TCFL5: variants seen among roughly 807,000 people sequenced by gnomAD.
TCFL5 encodes transcription factor like 5.
Under a neutral mutation model 44.3 loss-of-function variants are expected in TCFL5, and 9 were observed. That is an observed-to-expected ratio of 0.20 (90% CI 0.12 to 0.35). The LOEUF (loss-of-function observed/expected upper bound fraction) is 0.35, where lower values mean the gene tolerates loss of function less well. Ranked by LOEUF, TCFL5 falls within the 10% of genes least tolerant of loss-of-function variation. The probability of loss-of-function intolerance (pLI) is 1.00; values close to 1 mark genes in which losing one functional copy is unlikely to be tolerated. For synonymous variants in TCFL5, 319 were observed against 271.6 expected (o/e 1.17, Z -1.72); for missense variants, 603 against 613.4 (o/e 0.98, Z 0.18).
intron 5 of TCFL5, among the ~76,000 whole-genome samples, chr20:62,847,889 G>A (rs1022856439): frequency 1.3e-5 from 2 of 152,300 alleles, no homozygotes; most frequent in South Asian, 2.1e-4. Flanking sequence ...GTGACCAAAC[G>A]GCATGGGAGG....
rs1286614719 is a variant in TCFL5 at position 62,861,582 on chromosome 20, G to A, written c.89C>T (p.Ala30Val). The A allele has an allele frequency of 1.9e-6, 2 of 1,080,112 alleles. No individual in the cohort carries two copies. Among genetic ancestry groups the A allele is most frequent in the African/African-American group, 3.4e-5 (2 of 58,914 alleles). 66.9% of individuals were successfully genotyped at this position (1,080,112 alleles called of 1,614,324 possible). Residue 30 changes from alanine (A) to valine (V), a missense_variant, in exon 1 of 6, where the codon GCG (alanine) becomes GTG (valine). Transcript: ENST00000335351. The surrounding 1 kb of genome is among the most constrained non-coding windows in gnomAD (Gnocchi z 4.0). The stretch of plus-strand genomic sequence containing the variant: ...GCTCAGCCCCGGCTCGCCCAGCGCC[G>A]CGTCCCCGCCGCCCGCGCCCTCGAC... ...AAVEGAGGGD[A>V]ALGEPGLSFT... is the part of the protein sequence containing the mutation.
chr20:62,859,548 G>A, intron 2 of TCFL5, 22 bp from the exon 3 acceptor site: 1 of 1,601,082 alleles, frequency 6.2e-7, no homozygotes, highest in Non-Finnish European at 8.5e-7. Context: ...TGAAGCAACA[G>A]GAATTTTATC....
intron 5 of TCFL5, among the ~76,000 whole-genome samples, chr20:62,853,089 A>C (rs1213812730): frequency 7.4e-6 from 1 of 134,360 alleles, no homozygotes; most frequent in African/African-American, 3.1e-5. Flanking sequence ...AAGCACAGTC[A>C]CCGGTCCACA....
rs1327563777 is a variant in TCFL5, at chr20:62,841,338, A to ATGAC, written c.*633_*636dup. 2 of 154,334 alleles carry ATGAC rather than the reference A, an allele frequency of 1.3e-5. No homozygotes were observed. Among genetic ancestry groups the ATGAC allele is most frequent in the African/African-American group, 4.8e-5 (2 of 41,456 alleles). 9.6% of individuals were successfully genotyped at this position (154,334 alleles called of 1,614,324 possible). ...CAGTTTGTGACACATGAAGTAATGA[A>ATGAC]TGACTCTTGGTATGAAAACGTGGCA... is the stretch of plus-strand genomic sequence containing the variant. On this transcript the variant is annotated 3_prime_UTR_variant, in exon 6 of 6. Transcript: ENST00000335351.
At position 62,859,713 on chromosome 20, in the gene TCFL5, GTTTTTGTT is replaced by G. The variant is rs1366904477; in HGVS notation, c.832-195_832-188del. Among the ~76,000 whole-genome samples, 20 of 144,858 alleles carry G rather than the reference GTTTTTGTT, an allele frequency of 1.4e-4. No homozygotes were observed. In the South Asian group the frequency reaches 1.7e-3, roughly 12 times the overall value. ...ACTCAACTTTCACAGGTATTTTTTT[GTTTTTGTT>G]TTTTTGTTTTTTTTTTTGAGACAGG... On this transcript the variant is annotated intron_variant, in intron 2 of 5. Coordinates refer to ENST00000335351, the MANE Select transcript of TCFL5 (RefSeq NM_006602.4).
chr20:62,849,091 G>A (rs190399269), intron 5 of TCFL5, among the ~76,000 whole-genome samples: 1 of 152,240 alleles, frequency 6.6e-6, no homozygotes. Context: ...CCTGAACCTG[G>A]GAGGCAGAGG....
At chr20:62,851,680 AT>A in intron 5 of TCFL5, 2 of 985,424 alleles carry the variant, frequency 2.0e-6, no homozygotes, top group Non-Finnish European at 2.4e-6. Flanking sequence ...AACTCGCAAG[AT>A]GTAAATGTCA....
In TCFL5 at chr20:62,861,567, G is replaced by C; in HGVS notation, c.104C>G (p.Pro35Arg). The change falls in exon 1 of 6, where the codon CCG becomes CGG. Residue 35 changes from proline to arginine, a missense_variant. Physicochemically the swap from Pro to Arg is moderately radical, Grantham distance 103 (BLOSUM62 -2). Coordinates refer to ENST00000335351, the MANE Select transcript of TCFL5 (RefSeq NM_006602.4). This position sits in a 1 kb window ranked among gnomAD's most constrained non-coding sequence, Gnocchi z 4.0. ...GTCGGTGGTCGTGAAGCTCAGCCCC[G>C]GCTCGCCCAGCGCCGCGTCCCCGCC... ...AGGGDAALGEPGLSFTTTDLS... is the reference protein window; with the variant it reads ...AGGGDAALGERGLSFTTTDLS... The C allele has an allele frequency of 9.0e-7, 1 of 1,114,286 alleles. No individual in the cohort carries two copies. Among genetic ancestry groups the C allele is most frequent in the South Asian group, 3.3e-5 (1 of 29,868 alleles). The allele number at this position is 1,114,286 out of a possible 1,614,324, so 69.0% of individuals were successfully genotyped here.
In TCFL5 at chr20:62,861,577, G is replaced by C. The variant is rs781485864; in HGVS notation, c.94C>G (p.Leu32Val). 1.3e-5 allele frequency: 14 copies of C among 1,090,134 alleles called. No individual in the cohort carries two copies. The East Asian group carries it at 6.7e-4, about 52-fold the overall frequency. 67.5% of individuals were successfully genotyped at this position (1,090,134 alleles called of 1,614,324 possible). A position where few individuals can be genotyped will look rare whatever the true frequency, so the allele number is the denominator to read the frequency against. ...GTGAAGCTCAGCCCCGGCTCGCCCA[G>C]CGCCGCGTCCCCGCCGCCCGCGCCC... ...VEGAGGGDAALGEPGLSFTTT... is the reference protein window; with the variant it reads ...VEGAGGGDAAVGEPGLSFTTT... Residue 32 changes from leucine (L) to valine (V), a missense_variant, in exon 1 of 6, where the codon CTG becomes GTG. Coordinates refer to ENST00000335351, the MANE Select transcript of TCFL5 (RefSeq NM_006602.4). The surrounding 1 kb of genome is among the most constrained non-coding windows in gnomAD (Gnocchi z 4.0).
intron 5 of TCFL5, among the ~76,000 whole-genome samples, chr20:62,843,809 C>T (rs146294011): frequency 4.0e-4 from 61 of 152,332 alleles, no homozygotes; most frequent in Non-Finnish European, 3.8e-4. Context: ...CTGAATCTGA[C>T]GGCTCTAGGT....
rs1336067357 is a variant in TCFL5, at chr20:62,842,597, A to G, written c.1381-500T>C. Among the ~76,000 whole-genome samples the G allele has an allele frequency of 1.3e-5, 2 of 152,146 alleles. No individual in the cohort carries two copies. The highest frequency in any genetic ancestry group is 4.8e-5 in the African/African-American group (2 of 41,426). On this transcript the variant is annotated intron_variant, in intron 5 of 5. Transcript: ENST00000335351. This position sits in a 1 kb window ranked among gnomAD's most constrained non-coding sequence, Gnocchi z 4.3. ...ATTAACATGGTGAAACCCCATCTCT[A>G]CTAAAAATACAAAAATTAGCTGGGC...
intron 5 of TCFL5, chr20:62,852,736 G>A: frequency 7.8e-7 from 1 of 1,278,164 alleles, no homozygotes; most frequent in Non-Finnish European, 1.0e-6. Flanking sequence ...GTTGACAGAA[G>A]CATAGTCACC....
chr20:62,859,655 G>A, intron 2 of TCFL5, 129 bp from the exon 3 acceptor site: 1 of 829,112 alleles, frequency 1.2e-6, no homozygotes, highest in Non-Finnish European at 1.8e-6. Context: ...TAGTTGCACT[G>A]AAGATTTAAA....
At chr20:62,845,802 A>G in intron 5 of TCFL5, 3 of 1,603,702 alleles carry the variant, frequency 1.9e-6, no homozygotes, top group Non-Finnish European at 2.6e-6. Context: ...AGGTGTGGCA[A>G]TGTGTCCAGG....
At chr20:62,852,402 G>T (rs1021435137) in intron 5 of TCFL5, 2 of 984,528 alleles carry the variant, frequency 2.0e-6, no homozygotes, top group East Asian at 1.1e-4. Flanking sequence ...TGGAACTGGG[G>T]TCCCCCCAAG....
Position 62,841,876 on chromosome 20 carries a change from C to T in TCFL5, c.*99G>A, listed in dbSNP as rs970914813. On this transcript the variant is annotated 3_prime_UTR_variant, in exon 6 of 6. Coordinates refer to ENST00000335351, the MANE Select transcript of TCFL5 (RefSeq NM_006602.4). Reference sequence around the variant, plus strand: ...CCGTCAGCTTGAGTCACGCCCTTTTCGAGTCAGACTAGCCGAGCAGAGCTC... The same window carrying T: ...CCGTCAGCTTGAGTCACGCCCTTTTTGAGTCAGACTAGCCGAGCAGAGCTC... The T allele has an allele frequency of 2.1e-5, 32 of 1,513,000 alleles. No homozygotes were observed. The highest frequency in any genetic ancestry group is 2.4e-5 in the Non-Finnish European group (27 of 1,124,094). The allele number at this position is 1,513,000 out of a possible 1,614,324, so 93.7% of individuals were successfully genotyped here. A position where few individuals can be genotyped will look rare whatever the true frequency, so the allele number is the denominator to read the frequency against.
intron 1 of TCFL5, 63 bp downstream of exon 1, chr20:62,860,955 CGCCCCG>C (rs200323010): frequency 0.085 from 83,006 of 979,326 alleles, 4,411 homozygotes; most frequent in African/African-American, 0.23. Flanking sequence ...CCTTTGCCTC[CGCCCCG>C]GCCCCGGCCC....
intron 5 of TCFL5, chr20:62,851,696 G>A (rs1465269850): frequency 1.0e-6 from 1 of 985,302 alleles, no homozygotes; most frequent in East Asian, 1.1e-4. Flanking sequence ...ATGTCATGTG[G>A]ACACAGAAAA....
At chr20:62,855,586 G>A (rs2063875566) in intron 4 of TCFL5, among the ~76,000 whole-genome samples, 1 of 152,186 alleles carries the variant, frequency 6.6e-6, no homozygotes, top group Non-Finnish European at 1.5e-5. Flanking sequence ...GACCAACATG[G>A]AGAAACCCCT....
Sources: allele counts gnomAD v4.1 joint callset (sites outside exome capture counted in the v4.1 genomes callset), GRCh38; gene constraint gnomAD v4.1.1; non-coding constraint Gnocchi (gnomAD v3.1); transcripts MANE v1.5; gene names NCBI Gene and HGNC (gene_info 2026-07-23, HGNC 2026-07-21).